The following PXK variants were observed in gnomAD, a reference collection of about 807,000 sequenced individuals.
PXK encodes the protein PX domain containing serine/threonine kinase like, also known as PX domain-containing protein kinase-like protein.
Under a neutral mutation model 84.7 loss-of-function variants are expected in PXK, and 35 were observed. That is an observed-to-expected ratio of 0.41 (90% CI 0.32 to 0.55). The LOEUF is 0.55. Ranked by LOEUF, PXK falls within the 20% of genes least tolerant of loss-of-function variation. PXK has a pLI of 0.21. For missense variants in PXK, 634 were observed against 699.7 expected (o/e 0.91, Z 1.06); for synonymous variants, 253 against 260.8 (o/e 0.97, Z 0.29).
Position 58,364,342 on chromosome 3 carries a change from C to T in PXK, c.103-1532C>T, listed in dbSNP as rs2098237508. 1.3e-5 allele frequency among the ~76,000 whole-genome samples: 2 copies of T among 152,034 alleles called. No homozygotes were observed. Among genetic ancestry groups the T allele is most frequent in the African/African-American group, 2.4e-5 (1 of 41,360 alleles). On this transcript the variant is annotated intron_variant, in intron 1 of 17. Transcript: ENST00000356151. This position sits in a 1 kb window ranked among gnomAD's most constrained non-coding sequence, Gnocchi z 4.3. Reference sequence around the variant, plus strand: ...TTCTTAAGACACTTAGTAGAATTCTCCAGTGAAACCATTGGGCCTTGATAC... The same window carrying T: ...TTCTTAAGACACTTAGTAGAATTCTTCAGTGAAACCATTGGGCCTTGATAC...
chr3:58,365,343 T>C (rs908709889), intron 1 of PXK, among the ~76,000 whole-genome samples: 1 of 152,192 alleles, frequency 6.6e-6, no homozygotes, highest in Non-Finnish European at 1.5e-5. Context: ...TCTTACTGAT[T>C]TCTAGTTTGT....
At chr3:58,387,501 G>A (rs896689884) in intron 4 of PXK, among the ~76,000 whole-genome samples, 1 of 152,190 alleles carries the variant, frequency 6.6e-6, no homozygotes, top group Non-Finnish European at 1.5e-5. Flanking sequence ...CAGAGTAAAT[G>A]TTAGGGAGCA....
chr3:58,406,323 T>C (rs1056638875), intron 13 of PXK, among the ~76,000 whole-genome samples: 3 of 151,114 alleles, frequency 2.0e-5, no homozygotes, highest in African/African-American at 7.3e-5. Flanking sequence ...GTTGCCAGGC[T>C]GGAGTGCAGT....
At position 58,412,048 on chromosome 3, in the gene PXK, C is replaced by T. The variant is rs55711525; in HGVS notation, c.1466-853C>T. 5.3e-5 allele frequency among the ~76,000 whole-genome samples: 8 copies of T among 151,904 alleles called. No individual in the cohort carries two copies. Among genetic ancestry groups the T allele is most frequent in the Admixed American group, 2.0e-4 (3 of 15,242 alleles). On this transcript the variant is annotated intron_variant, in intron 16 of 17. Coordinates refer to ENST00000356151, the MANE Select transcript of PXK (RefSeq NM_017771.5). This position sits in a 1 kb window ranked among gnomAD's most constrained non-coding sequence, Gnocchi z 6.2. ...ACACCAGCTCTGGTGGCTTCTCAGG[C>T]GTGTGATGGCAGCCCTCTGGGTGTG...
chr3:58,363,424 G>A (rs2108383338), intron 1 of PXK, among the ~76,000 whole-genome samples: 1 of 152,278 alleles, frequency 6.6e-6, no homozygotes, highest in East Asian at 1.9e-4. Flanking sequence ...GACCTTCCGG[G>A]CTCAAGCATT....
Position 58,390,780 on chromosome 3 carries a change from G to A in PXK, c.466+121G>A. On this transcript the variant is annotated intron_variant, in intron 5 of 17. Coordinates refer to ENST00000356151, the MANE Select transcript of PXK (RefSeq NM_017771.5). This position sits in a 1 kb window ranked among gnomAD's most constrained non-coding sequence, Gnocchi z 4.2. ...ATGCAGGTGACTTCTTTTTCTTTTT[G>A]CATATCAACTGCTTGAGGATACAGC... 9.2e-6 allele frequency: 8 copies of A among 869,752 alleles called. No homozygotes were observed. Among genetic ancestry groups the A allele is most frequent in the Non-Finnish European group, 1.4e-5 (8 of 574,598 alleles). The allele number at this position is 869,752 out of a possible 1,614,324, so 53.9% of individuals were successfully genotyped here. A position where few individuals can be genotyped will look rare whatever the true frequency, so the allele number is the denominator to read the frequency against.
rs567139284 is a variant in PXK at position 58,335,977 on chromosome 3, A to G, written c.102+2887A>G. On this transcript the variant is annotated intron_variant, in intron 1 of 17. Transcript: ENST00000356151. ...TAAACACATTAGAGGGCGTTATTGC[A>G]AGCAAGCTCATTTCTGTCCATAGTT... 1.1e-4 allele frequency among the ~76,000 whole-genome samples: 16 copies of G among 145,514 alleles called. 1 individual carries two copies. Among genetic ancestry groups the G allele is most frequent in the African/African-American group, 4.1e-4 (16 of 39,434 alleles).
chr3:58,342,499 G>A (rs1214394084), intron 1 of PXK, among the ~76,000 whole-genome samples: 2 of 151,906 alleles, frequency 1.3e-5, no homozygotes, highest in African/African-American at 2.4e-5. Context: ...GCCAGGTAAG[G>A]TAGTGCATGC....
At chr3:58,369,811 T>G in intron 3 of PXK, among the ~76,000 whole-genome samples, 1 of 127,746 alleles carries the variant, frequency 7.8e-6, no homozygotes. Context: ...GCAATAAGAG[T>G]GAAACTCTGT....
At chr3:58,418,641 TTAGA>T (rs1170586993) in intron 17 of PXK, among the ~76,000 whole-genome samples, 1 of 152,244 alleles carries the variant, frequency 6.6e-6, no homozygotes, top group Non-Finnish European at 1.5e-5. Flanking sequence ...TCGCTCTTTA[TTAGA>T]TAGATGGCAT....
Position 58,333,566 on chromosome 3 carries a change from G to C in PXK, c.102+476G>C, listed in dbSNP as rs562506012. 6.6e-6 allele frequency: 3 copies of C among 456,764 alleles called. No homozygotes were observed. The East Asian group carries it at 2.1e-4, about 32-fold the overall frequency. 28.3% of individuals were successfully genotyped at this position (456,764 alleles called of 1,614,324 possible). On this transcript the variant is annotated intron_variant, in intron 1 of 17. Transcript: ENST00000356151. The surrounding 1 kb of genome is among the most constrained non-coding windows in gnomAD (Gnocchi z 5.4). ...CCGGGCCAAATGAAGTGTGACTCCA[G>C]AGCCTACTTGTTGGGACAGCAGAGT...
chr3:58,393,097 C>A (rs62258103), intron 7 of PXK, among the ~76,000 whole-genome samples: 44,636 of 151,912 alleles, frequency 0.29, 7,333 homozygotes, highest in Middle Eastern at 0.39. Flanking sequence ...GCCTGTAATC[C>A]CAGCACTTTG....
rs1203563511 is a variant in PXK, at chr3:58,395,112, C to T, written c.720+10C>T. On this transcript the variant is annotated intron_variant, in intron 8 of 17. Coordinates refer to ENST00000356151, the MANE Select transcript of PXK (RefSeq NM_017771.5). The stretch of plus-strand genomic sequence containing the variant: ...GGATCTGATCTACAAGGTACCTGTG[C>T]AAGTTCATGGTCATAAGGAATTCTC... 2 of 1,580,026 alleles carry T rather than the reference C, an allele frequency of 1.3e-6. No individual in the cohort carries two copies. Among genetic ancestry groups the T allele is most frequent in the African/African-American group, 1.3e-5 (1 of 74,366 alleles).
At chr3:58,362,759 G>A (rs2098209300) in intron 1 of PXK, among the ~76,000 whole-genome samples, 1 of 152,184 alleles carries the variant, frequency 6.6e-6, no homozygotes, top group Non-Finnish European at 1.5e-5. Flanking sequence ...TCTTGCCCAG[G>A]CTGGAGTGCA....
chr3:58,351,185 T>C (rs1439077391), intron 1 of PXK, among the ~76,000 whole-genome samples: 3 of 152,192 alleles, frequency 2.0e-5, no homozygotes, highest in Admixed American at 2.0e-4. Context: ...TCTCAATCTT[T>C]ATTACTCAGG....
At chr3:58,365,044 T>C (rs983695220) in intron 1 of PXK, among the ~76,000 whole-genome samples, 1 of 151,922 alleles carries the variant, frequency 6.6e-6, no homozygotes, top group Non-Finnish European at 1.5e-5. Flanking sequence ...TTTTTCCTTC[T>C]TCTGCTTGCT....
Position 58,409,990 on chromosome 3 carries a change from A to G in PXK, c.1396-100A>G. On this transcript the variant is annotated intron_variant, in intron 15 of 17. Coordinates refer to ENST00000356151, the MANE Select transcript of PXK (RefSeq NM_017771.5). The surrounding 1 kb of genome is among the most constrained non-coding windows in gnomAD (Gnocchi z 4.2). Reference sequence around the variant, plus strand: ...TATTACCTTGTCTGCAGCTAGTTTAATGGTATGCCTGGAAAATATTTTTAT... The same window carrying G: ...TATTACCTTGTCTGCAGCTAGTTTAGTGGTATGCCTGGAAAATATTTTTAT... 2.7e-6 allele frequency: 2 copies of G among 749,130 alleles called. No individual in the cohort carries two copies. 46.4% of individuals were successfully genotyped at this position (749,130 alleles called of 1,614,324 possible). A position where few individuals can be genotyped will look rare whatever the true frequency, so the allele number is the denominator to read the frequency against.
intron 1 of PXK, among the ~76,000 whole-genome samples, chr3:58,359,867 G>A (rs982348478): frequency 1.2e-4 from 19 of 152,178 alleles, no homozygotes; most frequent in African/African-American, 4.6e-4. Flanking sequence ...TTTGCCTGAG[G>A]CTGGGCATGG....
chr3:58,406,345 G>A (rs932119636), intron 13 of PXK, among the ~76,000 whole-genome samples: 3 of 150,924 alleles, frequency 2.0e-5, no homozygotes, highest in Non-Finnish European at 2.9e-5. Context: ...GTGCAATGAC[G>A]GGGCTCAGTG....
Sources: gnomAD v4.1 joint callset for allele counts (sites outside exome capture counted in the v4.1 genomes callset) on GRCh38, gnomAD v4.1.1 for gene constraint, Gnocchi (gnomAD v3.1) non-coding constraint, MANE v1.5 for transcripts, NCBI Gene and HGNC (gene_info 2026-07-23, HGNC 2026-07-21) for gene names.